The following CYP27C1 variants were observed in gnomAD, a reference collection of about 807,000 sequenced individuals.
CYP27C1 encodes the protein cytochrome P450 27C1.
CYP27C1 carries 29 observed loss-of-function variants against 40.6 expected under a neutral mutation model. That is an observed-to-expected ratio of 0.71 (90% confidence interval 0.53 to 0.97). The LOEUF (loss-of-function observed/expected upper bound fraction) is 0.97, where lower values mean the gene tolerates loss of function less well. Ranked by LOEUF, CYP27C1 falls within the 50% of genes least tolerant of loss-of-function variation. The pLI, the probability that CYP27C1 is intolerant of heterozygous loss-of-function variation, is 0.00. For synonymous variants in CYP27C1, 198 were observed against 186.8 expected (o/e 1.06, Z -0.49); for missense variants, 390 against 485.8 (o/e 0.80, Z 1.85).
chr2:127,202,925 T>C (rs1282304883), intron 3 of CYP27C1, among the ~76,000 whole-genome samples: 1 of 152,050 alleles, frequency 6.6e-6, no homozygotes, highest in Non-Finnish European at 1.5e-5. Flanking sequence ...TCCCAGCACT[T>C]TGGGAGGCCA....
At position 127,203,431 on chromosome 2, in the gene CYP27C1, G is replaced by T. The variant is rs1466312086; in HGVS notation, c.614C>A (p.Ala205Glu). Residue 205 changes from alanine (A) to glutamate (E), a missense_variant, in exon 3 of 9, where the codon GCA becomes GAA. Transcript: ENST00000664447. Reference protein sequence around the residue: ...IKRIYLLRSQAEDGETVTNVN... With the variant: ...IKRIYLLRSQEEDGETVTNVN... ...ATTGGTCACGGTTTCTCCATCTTCTGCCTGGCTCCTGAGGAGGTAGATTCT... is the reference window on the plus strand; with the variant it reads ...ATTGGTCACGGTTTCTCCATCTTCTTCCTGGCTCCTGAGGAGGTAGATTCT... 3 of 1,613,708 alleles carry T rather than the reference G, an allele frequency of 1.9e-6. No individual in the cohort carries two copies. The highest frequency in any genetic ancestry group is 1.7e-6 in the Non-Finnish European group (2 of 1,179,966).
At chr2:127,215,434 A>G (rs1683413368) in intron 1 of CYP27C1, among the ~76,000 whole-genome samples, 1 of 152,362 alleles carries the variant, frequency 6.6e-6, no homozygotes, top group Middle Eastern at 3.4e-3. Context: ...AGAAGAAAAC[A>G]TAAGGGTAAA....
In CYP27C1 at chr2:127,209,506, A is replaced by C. The variant is rs1274312788; in HGVS notation, c.283-3416T>G. Reference sequence around the variant, plus strand: ...CCATCAAGAGCACAGAACTGGATGGAGGATCAGATGGACGAATTGACAGAA... The same window carrying C: ...CCATCAAGAGCACAGAACTGGATGGCGGATCAGATGGACGAATTGACAGAA... On this transcript the variant is annotated intron_variant, in intron 1 of 8. Transcript: ENST00000664447. This position sits in a 1 kb window ranked among gnomAD's most constrained non-coding sequence, Gnocchi z 4.1. Among the ~76,000 whole-genome samples, 1 of 152,258 alleles carries C rather than the reference A, an allele frequency of 6.6e-6. No homozygotes were observed. Among genetic ancestry groups the C allele is most frequent in the Non-Finnish European group, 1.5e-5 (1 of 68,052 alleles).
Position 127,204,535 on chromosome 2 carries a change from A to AAGAGAGAG in CYP27C1, c.474-972_474-965dup, listed in dbSNP as rs372686054. 3.6e-4 allele frequency among the ~76,000 whole-genome samples: 17 copies of AAGAGAGAG among 46,942 alleles called. 3 individuals carry two copies. Among genetic ancestry groups the AAGAGAGAG allele is most frequent in the Middle Eastern group, 9.8e-3 (1 of 102 alleles). The allele number at this position is 46,942 out of a possible 152,430, so 30.8% of individuals were successfully genotyped here. On this transcript the variant is annotated intron_variant, in intron 2 of 8. Transcript: ENST00000664447. ...AAAGAAGGAAAGAAAGAAAGAAAGAAAGAGAGAGAGAGAGAGAGAGAGAAA... is the reference window on the plus strand; with the variant it reads ...AAAGAAGGAAAGAAAGAAAGAAAGAAAGAGAGAGAGAGAGAGAGAGAGAGAGAGAGAAA...
intron 5 of CYP27C1, among the ~76,000 whole-genome samples, chr2:127,198,516 T>C (rs990440611): frequency 1.3e-5 from 2 of 150,734 alleles, no homozygotes; most frequent in African/African-American, 4.9e-5. Flanking sequence ...ATTTTGGTTA[T>C]GCTTTTCACA....
intron 6 of CYP27C1, 127 bp from the exon 7 acceptor site, chr2:127,193,994 T>G (rs78997040): frequency 0.018 from 18,666 of 1,057,776 alleles, 203 homozygotes; most frequent in Middle Eastern, 0.024. Context: ...TGGTACATTT[T>G]CAACTGAAAC....
intron 8 of CYP27C1, among the ~76,000 whole-genome samples, chr2:127,189,527 G>A (rs547445223): frequency 5.2e-4 from 79 of 151,818 alleles, no homozygotes; most frequent in African/African-American, 1.8e-3. Flanking sequence ...CCTAGTGGAC[G>A]GGTTGATGGG....
rs1373273675 is a variant in CYP27C1 at position 127,215,146 on chromosome 2, G to T, written c.282+4843C>A. On this transcript the variant is annotated intron_variant, in intron 1 of 8. Coordinates refer to ENST00000664447, the MANE Select transcript of CYP27C1 (RefSeq NM_001367502.1). The stretch of plus-strand genomic sequence containing the variant: ...TCCATCTCAAAAAAAAAAAAAAAAA[G>T]ACTTAGTACAAAGCTACAGTAACCA... 2.9e-5 allele frequency among the ~76,000 whole-genome samples: 4 copies of T among 140,338 alleles called. No individual in the cohort carries two copies. The East Asian group carries it at 6.4e-4, about 22-fold the overall frequency. 92.1% of individuals were successfully genotyped at this position (140,338 alleles called of 152,430 possible).
intron 1 of CYP27C1, among the ~76,000 whole-genome samples, chr2:127,217,975 T>G (rs1683466222): frequency 6.6e-6 from 1 of 151,864 alleles, no homozygotes; most frequent in South Asian, 2.1e-4. Flanking sequence ...ACCTGGAGAG[T>G]AAAGGGAAAG....
At chr2:127,215,020 T>C (rs1168996158) in intron 1 of CYP27C1, among the ~76,000 whole-genome samples, 2 of 151,020 alleles carry the variant, frequency 1.3e-5, no homozygotes, top group Non-Finnish European at 2.9e-5. Flanking sequence ...TCCCAGCTAC[T>C]CGGGAGGCTG....
chr2:127,211,992 A>G (rs1683347634), intron 1 of CYP27C1, among the ~76,000 whole-genome samples: 1 of 152,212 alleles, frequency 6.6e-6, no homozygotes. Context: ...GGATATCACC[A>G]CTGACCCCAC....
chr2:127,203,041 G>A (rs1371656396), intron 3 of CYP27C1, among the ~76,000 whole-genome samples: 3 of 152,058 alleles, frequency 2.0e-5, no homozygotes, highest in Non-Finnish European at 4.4e-5. Flanking sequence ...GGTGGCAGGT[G>A]CCTGTAATCC....
chr2:127,213,463 C>T (rs1683371732), intron 1 of CYP27C1, among the ~76,000 whole-genome samples: 1 of 152,188 alleles, frequency 6.6e-6, no homozygotes, highest in Admixed American at 6.5e-5. Context: ...GGTACCAAAA[C>T]AGACATATAG....
At position 127,204,015 on chromosome 2, in the gene CYP27C1, A is replaced by G. The variant is rs144047746; in HGVS notation, c.474-444T>C. On this transcript the variant is annotated intron_variant, in intron 2 of 8. Transcript: ENST00000664447. ...CATGGTGGCTCATGCCTGTAATCCCAGCACTTTAGGAGGCCAAGATGGGTG... is the reference window on the plus strand; with the variant it reads ...CATGGTGGCTCATGCCTGTAATCCCGGCACTTTAGGAGGCCAAGATGGGTG... Among the ~76,000 whole-genome samples the G allele has an allele frequency of 8.1e-3, 1,224 of 152,034 alleles. 15 individuals are homozygous for G. The highest frequency in any genetic ancestry group is 0.028 in the African/African-American group (1,164 of 41,482).
chr2:127,204,685 G>C (rs904663480), intron 2 of CYP27C1, among the ~76,000 whole-genome samples: 4 of 152,136 alleles, frequency 2.6e-5, no homozygotes, highest in African/African-American at 7.2e-5. Flanking sequence ...TTGTTACCAG[G>C]GTGTGGGGCC....
rs1682912766 is a variant in CYP27C1 at position 127,196,690 on chromosome 2, G to A, written c.1048-1189C>T. On this transcript the variant is annotated intron_variant, in intron 5 of 8. Coordinates refer to ENST00000664447, the MANE Select transcript of CYP27C1 (RefSeq NM_001367502.1). This position sits in a 1 kb window ranked among gnomAD's most constrained non-coding sequence, Gnocchi z 4.5. The stretch of plus-strand genomic sequence containing the variant: ...TTAGATGCTTCCTATCAAGAGAATA[G>A]AAAATTTCTATTTAGATCACATTTT... Among the ~76,000 whole-genome samples the A allele has an allele frequency of 6.6e-6, 1 of 152,066 alleles. No homozygotes were observed. The highest frequency in any genetic ancestry group is 1.5e-5 in the Non-Finnish European group (1 of 68,008).
intron 2 of CYP27C1, 110 bp from the exon 3 acceptor site, chr2:127,203,681 C>T: frequency 9.0e-7 from 1 of 1,105,188 alleles, no homozygotes; most frequent in Non-Finnish European, 1.3e-6. Context: ...ACAAGAGCTG[C>T]CCAACAAAGT....
At chr2:127,204,267 A>G (rs1172657739) in intron 2 of CYP27C1, among the ~76,000 whole-genome samples, 3 of 129,202 alleles carry the variant, frequency 2.3e-5, no homozygotes, top group Non-Finnish European at 4.8e-5. Flanking sequence ...CTCCATCTCA[A>G]AAAAAAAAGA....
rs1253303775 is a variant in CYP27C1, at chr2:127,185,979, G to A, written c.*1292C>T. 6.6e-6 allele frequency: 1 copy of A among 152,170 alleles called. No individual in the cohort carries two copies. The highest frequency in any genetic ancestry group is 1.9e-4 in the East Asian group (1 of 5,198). 9.4% of individuals were successfully genotyped at this position (152,170 alleles called of 1,614,324 possible). ...GGCACAGGCACACAACTGGGTGAGG[G>A]TTCTTGTGTGGATATTTAAAACAAC... On this transcript the variant is annotated 3_prime_UTR_variant, in exon 9 of 9. Coordinates refer to ENST00000664447, the MANE Select transcript of CYP27C1 (RefSeq NM_001367502.1). The surrounding 1 kb of genome is among the most constrained non-coding windows in gnomAD (Gnocchi z 4.9).
Sources: allele counts gnomAD v4.1 joint callset (sites outside exome capture counted in the v4.1 genomes callset), GRCh38; gene constraint gnomAD v4.1.1; non-coding constraint Gnocchi (gnomAD v3.1); transcripts MANE v1.5; gene names NCBI Gene and HGNC (gene_info 2026-07-23, HGNC 2026-07-21).